Variants in CARNMT1 observed in about 807,000 individuals in gnomAD.
The protein encoded by CARNMT1 is carnosine N-methyltransferase 1.
Under a neutral mutation model 49.6 loss-of-function variants are expected in CARNMT1, and 28 were observed. The observed-to-expected ratio is 0.56, with a 90% CI of 0.42 to 0.77. The LOEUF (loss-of-function observed/expected upper bound fraction) is 0.77, where lower values mean the gene tolerates loss of function less well. Ranked by LOEUF, CARNMT1 falls within the 30% of genes least tolerant of loss-of-function variation. CARNMT1 has a pLI of 0.00. For missense variants in CARNMT1, 421 were observed against 512.6 expected, an observed-to-expected ratio of 0.82 and a Z score of 1.73; for synonymous variants, 178 against 175.0, an observed-to-expected ratio of 1.02 and a Z score of -0.13.
chr9:75,025,220 CATGGTGTTATTTAAGGTTT>C (rs1331538759), intron 1 of CARNMT1, among the ~76,000 whole-genome samples: 1 of 152,158 alleles, frequency 6.6e-6, no homozygotes, highest in African/African-American at 2.4e-5. Flanking sequence ...ATATGGGACC[CATGGTGTTATTTAAGGTTT>C]ATGGTATTGC....
In CARNMT1 at chr9:74,982,435, A is replaced by G. The variant is rs1832713999; in HGVS notation, c.*1332T>C. The G allele has an allele frequency of 1.3e-5, 2 of 152,242 alleles. No homozygotes were observed. Among genetic ancestry groups the G allele is most frequent in the Admixed American group, 6.5e-5 (1 of 15,280 alleles). The allele number at this position is 152,242 out of a possible 1,614,324, so 9.4% of individuals were successfully genotyped here. On this transcript the variant is annotated 3_prime_UTR_variant, in exon 8 of 8. Transcript: ENST00000376834. ...GAAACAGAATATCATACATTAAAAA[A>G]TACAAAGGAAAACTCCCTCCAATAA...
intron 3 of CARNMT1, among the ~76,000 whole-genome samples, chr9:75,012,263 C>G (rs1833711206): frequency 2.7e-5 from 4 of 150,056 alleles, no homozygotes; most frequent in Admixed American, 2.7e-4. Context: ...AGCCCAGGTA[C>G]TGAGGGTCTT....
intron 1 of CARNMT1, chr9:75,027,326 T>A: frequency 1.3e-6 from 1 of 788,614 alleles, no homozygotes; most frequent in Non-Finnish European, 1.5e-6. Flanking sequence ...AGATACAGAT[T>A]TGCAGAAAAA....
chr9:75,006,277 C>T (rs1833509773), intron 3 of CARNMT1, among the ~76,000 whole-genome samples: 1 of 152,054 alleles, frequency 6.6e-6, no homozygotes, highest in African/African-American at 2.4e-5. Context: ...GTCTTGAACT[C>T]CTGACTGCAA....
chr9:74,989,187 C>G (rs961677891), intron 6 of CARNMT1, among the ~76,000 whole-genome samples: 1 of 152,140 alleles, frequency 6.6e-6, no homozygotes, highest in Non-Finnish European at 1.5e-5. Flanking sequence ...GCATAGTTCA[C>G]TGCAGCCTTG....
rs1320096588 is a variant in CARNMT1, at chr9:74,981,072, C to T, written c.*2695G>A. 1.3e-5 allele frequency: 2 copies of T among 152,126 alleles called. No homozygotes were observed. The highest frequency in any genetic ancestry group is 2.4e-5 in the African/African-American group (1 of 41,456). 9.4% of individuals were successfully genotyped at this position (152,126 alleles called of 1,614,324 possible). The stretch of plus-strand genomic sequence containing the variant: ...TTCAAGAAAAATTAATTTCATCATA[C>T]ACATTAAAAATATAGGAAATTTCAT... On this transcript the variant is annotated 3_prime_UTR_variant, in exon 8 of 8. Transcript: ENST00000376834.
At position 74,998,634 on chromosome 9, in the gene CARNMT1, T is replaced by A; in HGVS notation, c.874A>T (p.Thr292Ser). 6.3e-7 allele frequency: 1 copy of A among 1,597,262 alleles called. No homozygotes were observed. Among genetic ancestry groups the A allele is most frequent in the South Asian group, 1.1e-5 (1 of 87,968 alleles). ...SLPPGSNFSM[T>S]AGDFQEIYSE... Reference sequence around the variant, plus strand: ...TAAATCTCTTGAAAATCTCCTGCTGTCATAGAAAAGTTAGAACCAGGAGGA... The same window carrying A: ...TAAATCTCTTGAAAATCTCCTGCTGACATAGAAAAGTTAGAACCAGGAGGA... Residue 292 changes from threonine to serine, a missense_variant, in exon 5 of 8, where the codon ACA becomes TCA. This residue lies in a region of CARNMT1 where 235 missense variants were observed against 344.8 expected (regional missense o/e 0.68). Transcript: ENST00000376834.
At chr9:75,012,217 G>T (rs1237889667) in intron 3 of CARNMT1, among the ~76,000 whole-genome samples, 1 of 151,844 alleles carries the variant, frequency 6.6e-6, no homozygotes, top group African/African-American at 2.4e-5. Context: ...TTATATCTGA[G>T]CTCTGAATGT....
At chr9:75,024,674 A>C (rs1021860822) in intron 1 of CARNMT1, among the ~76,000 whole-genome samples, 31 of 152,234 alleles carry the variant, frequency 2.0e-4, no homozygotes, top group African/African-American at 4.8e-5. Context: ...AATATTAATC[A>C]AAAGACATTC....
At chr9:74,992,223 G>A (rs928374700) in intron 6 of CARNMT1, among the ~76,000 whole-genome samples, 2 of 151,486 alleles carry the variant, frequency 1.3e-5, no homozygotes, top group Non-Finnish European at 2.9e-5. Context: ...AGTGAGCCGA[G>A]ATGGTACCAC....
At chr9:75,011,371 CATT>C (rs373516512) in intron 3 of CARNMT1, among the ~76,000 whole-genome samples, 1 of 151,890 alleles carries the variant, frequency 6.6e-6, no homozygotes. Context: ...CTGTGATTGT[CATT>C]ATTATTATTA....
chr9:74,981,897 AAAC>A lies in CARNMT1; in HGVS notation c.*1867_*1869del, dbSNP rs924443062. The A allele has an allele frequency of 1.3e-5, 2 of 151,748 alleles. No homozygotes were observed. Among genetic ancestry groups the A allele is most frequent in the Admixed American group, 1.3e-4 (2 of 15,212 alleles). The allele number at this position is 151,748 out of a possible 1,614,324, so 9.4% of individuals were successfully genotyped here. Reference sequence around the variant, plus strand: ...GTACTTTGCAAGTTTTCTTCTTTTAAAACAATAATTTGAGTTTTTTTTTTCTTC... The same window carrying A: ...GTACTTTGCAAGTTTTCTTCTTTTAAAATAATTTGAGTTTTTTTTTTCTTC... On this transcript the variant is annotated 3_prime_UTR_variant, in exon 8 of 8. Transcript: ENST00000376834.
intron 6 of CARNMT1, 94 bp from the exon 7 acceptor site, chr9:74,985,104 A>T (rs1326583267): frequency 3.3e-6 from 3 of 916,112 alleles, no homozygotes; most frequent in Non-Finnish European, 5.1e-6. Flanking sequence ...TAGGTACTGG[A>T]TGAGACAAAC....
chr9:75,018,622 T>C (rs1833916944), intron 1 of CARNMT1, among the ~76,000 whole-genome samples: 2 of 152,132 alleles, frequency 1.3e-5, no homozygotes, highest in Admixed American at 6.5e-5. Context: ...CTAGAAACTC[T>C]TGCAAATGGG....
intron 3 of CARNMT1, among the ~76,000 whole-genome samples, chr9:75,007,795 G>C (rs1199259363): frequency 6.9e-6 from 1 of 145,862 alleles, no homozygotes; most frequent in Admixed American, 6.9e-5. Context: ...GGGTATTTAC[G>C]AAAGTCCCAC....
chr9:75,003,760 CACACT>C (rs1290451311), intron 3 of CARNMT1, among the ~76,000 whole-genome samples: 1 of 152,198 alleles, frequency 6.6e-6, no homozygotes, highest in South Asian at 2.1e-4. Context: ...TTTTACTTCC[CACACT>C]ACACTAATGT....
intron 3 of CARNMT1, among the ~76,000 whole-genome samples, chr9:75,013,325 G>A (rs955307964): frequency 1.5e-4 from 23 of 151,916 alleles, no homozygotes; most frequent in Middle Eastern, 3.4e-3. Flanking sequence ...TGTGGTAAGG[G>A]GAAATCAGGA....
chr9:74,994,270 A>T (rs999236329), intron 6 of CARNMT1, among the ~76,000 whole-genome samples: 6 of 152,228 alleles, frequency 3.9e-5, no homozygotes, highest in Non-Finnish European at 7.3e-5. Flanking sequence ...CTGTGAGAAA[A>T]TAAACTTGTT....
intron 3 of CARNMT1, among the ~76,000 whole-genome samples, chr9:75,001,734 A>G (rs1164042374): frequency 6.6e-6 from 1 of 152,228 alleles, no homozygotes; most frequent in African/African-American, 2.4e-5. Flanking sequence ...TATTAACAGC[A>G]TAATGAAAAG....
Sources: gnomAD v4.1 joint callset for allele counts (sites outside exome capture counted in the v4.1 genomes callset) on GRCh38, gnomAD v4.1.1 for gene constraint, gnomAD v4.1.1 regional missense constraint, MANE v1.5 for transcripts, NCBI Gene and HGNC (gene_info 2026-07-23, HGNC 2026-07-21) for gene names.